ERP44: variants seen among roughly 807,000 people sequenced by gnomAD.
The protein encoded by ERP44 is endoplasmic reticulum protein 44.
Under a neutral mutation model 53.4 loss-of-function variants are expected in ERP44, and 25 were observed. That is an observed-to-expected ratio of 0.47 (90% CI 0.34 to 0.65). The LOEUF is 0.65. ERP44 is among the 30% of genes least tolerant of loss of function. ERP44 has a pLI of 0.01. For synonymous variants in ERP44, 145 were observed against 161.2 expected (o/e 0.90, Z 0.76); for missense variants, 338 against 493.2 (o/e 0.69, Z 2.98).
Position 100,045,118 on chromosome 9 carries a change from A to C in ERP44, c.286+7299T>G, listed in dbSNP as rs1277152227. Among the ~76,000 whole-genome samples the C allele has an allele frequency of 5.3e-5, 8 of 152,256 alleles. No homozygotes were observed. The East Asian group carries it at 1.4e-3, about 26-fold the overall frequency. On this transcript the variant is annotated intron_variant, in intron 4 of 11. Coordinates refer to ENST00000262455, the MANE Select transcript of ERP44 (RefSeq NM_015051.3). ...TATCTTTCAGCCTCTTCATCAGTAA[A>C]ATGGTAACACAGTCCAACTCTCTGA...
rs754095141 is a variant in ERP44 at position 100,007,589 on chromosome 9, A to T, written c.863T>A (p.Ile288Lys). Residue 288 changes from isoleucine to lysine, a missense_variant, in exon 9 of 12, where the codon ATA becomes AAA. Ile to Lys is a moderately radical substitution (Grantham distance 102). Transcript: ENST00000262455. ...CTTAATCTGTCTACCTTTTTCACTT[A>T]TTAATTGCCGAGCTACTTCATTCTG... ...IFQNEVARQL[I>K]SEKGTINFLH... 7.4e-6 allele frequency: 11 copies of T among 1,493,882 alleles called. No individual in the cohort carries two copies. Among genetic ancestry groups the T allele is most frequent in the Non-Finnish European group, 9.3e-7 (1 of 1,070,618 alleles). 92.5% of individuals were successfully genotyped at this position (1,493,882 alleles called of 1,614,324 possible).
chr9:100,093,292 A>T (rs1159533085), intron 1 of ERP44, among the ~76,000 whole-genome samples: 1 of 152,222 alleles, frequency 6.6e-6, no homozygotes, highest in Admixed American at 6.5e-5. Context: ...TGTATATTCC[A>T]GTGCTTCTCA....
intron 1 of ERP44, among the ~76,000 whole-genome samples, chr9:100,060,404 T>C (rs1461445483): frequency 1.3e-5 from 2 of 152,162 alleles, no homozygotes; most frequent in Admixed American, 6.5e-5. Flanking sequence ...CTTGCAAATA[T>C]ACAAAATAGC....
chr9:100,076,524 C>A lies in ERP44; in HGVS notation c.58-16352G>T, dbSNP rs138590618. Among the ~76,000 whole-genome samples the A allele has an allele frequency of 7.3e-3, 1,116 of 152,304 alleles. 8 individuals are homozygous for A. Among genetic ancestry groups the A allele is most frequent in the Admixed American group, 9.9e-3 (152 of 15,304 alleles). On this transcript the variant is annotated intron_variant, in intron 1 of 11. Transcript: ENST00000262455. ...CCCTTTCTAGGATATCCGTAAAGGA[C>A]AGCGGAGAAGGGAAATCTTCCCAGT... is the stretch of plus-strand genomic sequence containing the variant.
intron 1 of ERP44, among the ~76,000 whole-genome samples, chr9:100,067,534 C>T (rs941953163): frequency 1.3e-5 from 2 of 152,214 alleles, no homozygotes; most frequent in South Asian, 2.1e-4. Context: ...GTGATCTCGG[C>T]TCGCCACAAC....
At chr9:100,072,455 G>T (rs1385930936) in intron 1 of ERP44, among the ~76,000 whole-genome samples, 3 of 152,028 alleles carry the variant, frequency 2.0e-5, no homozygotes, top group African/African-American at 7.2e-5. Context: ...AGACCAACAA[G>T]CAGGGACAAA....
rs1830526568 is a variant in ERP44, at chr9:100,016,453, A to C, written c.646-15T>G. On this transcript the variant is annotated splice_polypyrimidine_tract_variant and intron_variant, in intron 7 of 11. Coordinates refer to ENST00000262455, the MANE Select transcript of ERP44 (RefSeq NM_015051.3). Reference sequence around the variant, plus strand: ...GGAGCAGAATGCTATTACAAAACAGAAAAAAAAAATTAAATCTAACCTGTG... The same window carrying C: ...GGAGCAGAATGCTATTACAAAACAGCAAAAAAAAATTAAATCTAACCTGTG... 6.5e-7 allele frequency: 1 copy of C among 1,534,714 alleles called. No homozygotes were observed. The highest frequency in any genetic ancestry group is 2.3e-5 in the East Asian group (1 of 42,818).
intron 4 of ERP44, among the ~76,000 whole-genome samples, chr9:100,023,770 T>C (rs1374530276): frequency 1.3e-5 from 2 of 152,148 alleles, no homozygotes; most frequent in Non-Finnish European, 2.9e-5. Flanking sequence ...GCATGATGTA[T>C]AAACAAAAAG....
chr9:100,023,941 G>C (rs1736907201), intron 4 of ERP44, among the ~76,000 whole-genome samples: 2 of 152,072 alleles, frequency 1.3e-5, no homozygotes, highest in Non-Finnish European at 2.9e-5. Context: ...GATCACTTGA[G>C]GTCAGGAGTT....
intron 8 of ERP44, among the ~76,000 whole-genome samples, chr9:100,010,381 A>G (rs1182674649): frequency 1.3e-5 from 2 of 152,214 alleles, no homozygotes; most frequent in Non-Finnish European, 2.9e-5. Flanking sequence ...AGATGTGCCA[A>G]CAACCACGGG....
chr9:100,060,874 C>T (rs908906137), intron 1 of ERP44, among the ~76,000 whole-genome samples: 2 of 152,148 alleles, frequency 1.3e-5, no homozygotes, highest in African/African-American at 4.8e-5. Context: ...TAGTTTCCAA[C>T]TTCAATGACT....
chr9:100,036,624 C>A (rs142402064), intron 4 of ERP44, among the ~76,000 whole-genome samples: 2,104 of 152,154 alleles, frequency 0.014, 18 homozygotes, highest in Non-Finnish European at 0.022. Flanking sequence ...AATAATCCTG[C>A]ACATATACCC....
chr9:100,071,139 G>C (rs1245557392), intron 1 of ERP44, among the ~76,000 whole-genome samples: 3 of 126,702 alleles, frequency 2.4e-5, no homozygotes, highest in African/African-American at 9.1e-5. Flanking sequence ...CTGTCACCTA[G>C]GCTGGAGTGC....
In ERP44 at chr9:100,049,389, C is replaced by A. The variant is rs538540860; in HGVS notation, c.286+3028G>T. 4.8e-4 allele frequency among the ~76,000 whole-genome samples: 73 copies of A among 152,188 alleles called. 1 individual carries two copies. In the South Asian group the frequency reaches 0.015, roughly 31 times the overall value. ...CTACAGCCTGGGCGAGACAGTGAGA[C>A]CCTGTCGCAAACAAATAAATAAACA... is the stretch of plus-strand genomic sequence containing the variant. On this transcript the variant is annotated intron_variant, in intron 4 of 11. Transcript: ENST00000262455.
At chr9:100,081,328 A>G (rs1022922300) in intron 1 of ERP44, among the ~76,000 whole-genome samples, 2 of 152,172 alleles carry the variant, frequency 1.3e-5, no homozygotes, top group African/African-American at 4.8e-5. Context: ...ATTTAATAAG[A>G]CAAAAAGAAA....
intron 8 of ERP44, among the ~76,000 whole-genome samples, chr9:100,014,177 T>C (rs190969440): frequency 6.6e-6 from 1 of 152,360 alleles, no homozygotes; most frequent in Non-Finnish European, 1.5e-5. Context: ...ACTTTATTTC[T>C]TGACTTAGCT....
intron 4 of ERP44, among the ~76,000 whole-genome samples, chr9:100,047,375 A>T (rs1825984163): frequency 6.6e-6 from 1 of 152,190 alleles, no homozygotes; most frequent in African/African-American, 2.4e-5. Flanking sequence ...AAACAGACAT[A>T]CAGACCATGG....
chr9:99,987,967 G>A (rs1830212393), intron 10 of ERP44, among the ~76,000 whole-genome samples: 3 of 152,170 alleles, frequency 2.0e-5, no homozygotes, highest in South Asian at 4.1e-4. Flanking sequence ...TTGTGCACAA[G>A]TTTTTGTGAA....
intron 4 of ERP44, among the ~76,000 whole-genome samples, chr9:100,024,115 G>T (rs1053703500): frequency 2.6e-5 from 4 of 151,968 alleles, no homozygotes; most frequent in African/African-American, 7.3e-5. Flanking sequence ...GATCGTGCCA[G>T]TGCACTCCAG....
Sources: allele counts gnomAD v4.1 joint callset (sites outside exome capture counted in the v4.1 genomes callset), GRCh38; gene constraint gnomAD v4.1.1; transcripts MANE v1.5; gene names NCBI Gene and HGNC (gene_info 2026-07-23, HGNC 2026-07-21).